RALYL: variants seen among roughly 807,000 people sequenced by gnomAD.
RALYL encodes the protein RALY RNA binding protein like.
RALYL carries 29 observed loss-of-function variants against 35.1 expected under a neutral mutation model. The observed-to-expected ratio is 0.83, with a 90% CI of 0.61 to 1.13. The LOEUF (loss-of-function observed/expected upper bound fraction) is 1.13. Among genes scored for constraint, RALYL ranks in the 50% most tolerant of loss-of-function variants. The probability of loss-of-function intolerance (pLI) is 0.00; values close to 1 mark genes in which losing one functional copy is unlikely to be tolerated. For synonymous variants in RALYL, 120 were observed against 127.6 expected (o/e 0.94, Z 0.40); for missense variants, 359 against 360.4 (o/e 1.00, Z 0.03).
chr8:84,190,259 CT>C (rs978951342), intron 1 of RALYL, among the ~76,000 whole-genome samples: 1 of 152,196 alleles, frequency 6.6e-6, no homozygotes, highest in Non-Finnish European at 1.5e-5. Context: ...CACAATTTTA[CT>C]GTTACACATA....
intron 1 of RALYL, among the ~76,000 whole-genome samples, chr8:84,384,268 G>T (rs1858671035): frequency 6.6e-6 from 1 of 151,674 alleles, no homozygotes; most frequent in African/African-American, 2.4e-5. Flanking sequence ...GAAATGATGG[G>T]TATGAAAGCA....
intron 2 of RALYL, among the ~76,000 whole-genome samples, chr8:84,675,154 T>C (rs1195596008): frequency 6.6e-6 from 1 of 152,160 alleles, no homozygotes; most frequent in Non-Finnish European, 1.5e-5. Flanking sequence ...AATACATTTT[T>C]TTCTGAAGGC....
intron 2 of RALYL, among the ~76,000 whole-genome samples, chr8:84,670,459 C>A (rs1832989538): frequency 6.6e-6 from 1 of 152,138 alleles, no homozygotes; most frequent in African/African-American, 2.4e-5. Context: ...TTCACAATGC[C>A]TTACACCAAT....
intron 1 of RALYL, among the ~76,000 whole-genome samples, chr8:84,526,077 G>A (rs1271933216): frequency 2.7e-5 from 4 of 148,590 alleles, no homozygotes; most frequent in African/African-American, 7.5e-5. Context: ...TCAGCCTTCC[G>A]AGTAGCTGGG....
intron 1 of RALYL, among the ~76,000 whole-genome samples, chr8:84,359,827 C>A (rs1852585676): frequency 6.6e-6 from 1 of 151,850 alleles, no homozygotes; most frequent in African/African-American, 2.4e-5. Context: ...ACTAGCCACA[C>A]ATGGCTTTTT....
At chr8:84,449,085 T>TG (rs1359463270) in intron 1 of RALYL, among the ~76,000 whole-genome samples, 1 of 151,250 alleles carries the variant, frequency 6.6e-6, no homozygotes, top group African/African-American at 2.4e-5. Flanking sequence ...TTTGTTTTTT[T>TG]TTTTTTTTTG....
At chr8:84,880,674 A>T (rs542261953) in intron 7 of RALYL, among the ~76,000 whole-genome samples, 1 of 152,038 alleles carries the variant, frequency 6.6e-6, no homozygotes, top group South Asian at 2.1e-4. Flanking sequence ...CAGTTTACAT[A>T]GAATAAAATT....
chr8:84,860,036 T>A (rs1404513811), intron 5 of RALYL, among the ~76,000 whole-genome samples: 1 of 152,202 alleles, frequency 6.6e-6, no homozygotes, highest in African/African-American at 2.4e-5. Context: ...CAAGTATGGC[T>A]CTTTCTCAGC....
At chr8:84,504,956 G>A (rs2134291064) in intron 1 of RALYL, among the ~76,000 whole-genome samples, 1 of 152,232 alleles carries the variant, frequency 6.6e-6, no homozygotes. Context: ...TTCTCAACAT[G>A]TAAGTCACCA....
At chr8:84,312,751 C>T (rs1843046825) in intron 1 of RALYL, among the ~76,000 whole-genome samples, 1 of 152,238 alleles carries the variant, frequency 6.6e-6, no homozygotes, top group Non-Finnish European at 1.5e-5. Flanking sequence ...CTGGTGGCTG[C>T]CTTTCCTTTC....
chr8:84,907,404 A>G (rs1846715817), intron 8 of RALYL, among the ~76,000 whole-genome samples: 4 of 152,166 alleles, frequency 2.6e-5, no homozygotes, highest in Admixed American at 2.6e-4. Context: ...AGAAACGGAA[A>G]GAAAACAATA....
intron 1 of RALYL, among the ~76,000 whole-genome samples, chr8:84,428,302 C>T (rs1318730253): frequency 4.6e-5 from 7 of 152,066 alleles, no homozygotes; most frequent in Admixed American, 2.0e-4. Flanking sequence ...GCCAGATGGT[C>T]GTTAATCATG....
At chr8:84,756,112 G>A (rs1421390700) in intron 2 of RALYL, among the ~76,000 whole-genome samples, 2 of 151,958 alleles carry the variant, frequency 1.3e-5, no homozygotes, top group Non-Finnish European at 2.9e-5. Context: ...TACATTGTCT[G>A]TACCAATATA....
chr8:84,715,888 A>G (rs1842887199), intron 2 of RALYL, among the ~76,000 whole-genome samples: 1 of 152,140 alleles, frequency 6.6e-6, no homozygotes, highest in Admixed American at 6.6e-5. Flanking sequence ...TCAAAGTATT[A>G]ATGGTCTCTT....
At chr8:84,696,508 T>A (rs1268550559) in intron 2 of RALYL, among the ~76,000 whole-genome samples, 1 of 152,002 alleles carries the variant, frequency 6.6e-6, no homozygotes, top group Non-Finnish European at 1.5e-5. Flanking sequence ...TTTCACATGC[T>A]GTATTTGTGT....
chr8:84,269,619 A>T (rs949127719), intron 1 of RALYL, among the ~76,000 whole-genome samples: 4 of 152,148 alleles, frequency 2.6e-5, no homozygotes, highest in African/African-American at 9.6e-5. Flanking sequence ...CTGATTTTCA[A>T]TGGCTGAGAA....
chr8:84,287,057 C>T (rs1374801820), intron 1 of RALYL, among the ~76,000 whole-genome samples: 1 of 152,196 alleles, frequency 6.6e-6, no homozygotes, highest in African/African-American at 2.4e-5. Context: ...TACTTTCTTG[C>T]TTATCAGTAC....
At chr8:84,607,820 T>C (rs986005272) in intron 2 of RALYL, among the ~76,000 whole-genome samples, 2 of 152,282 alleles carry the variant, frequency 1.3e-5, no homozygotes, top group Non-Finnish European at 2.9e-5. Flanking sequence ...AGGTTCATTT[T>C]TCTCTTTACT....
At chr8:84,534,789 C>T (rs185450800) in intron 2 of RALYL, among the ~76,000 whole-genome samples, 7 of 152,218 alleles carry the variant, frequency 4.6e-5, no homozygotes, top group East Asian at 1.9e-4. Context: ...TGCTGCTAAG[C>T]GAAGGCAAAG....
Sources: allele counts gnomAD v4.1 joint callset (sites outside exome capture counted in the v4.1 genomes callset), GRCh38; gene constraint gnomAD v4.1.1; transcripts MANE v1.5; gene names NCBI Gene and HGNC (gene_info 2026-07-23, HGNC 2026-07-21).